The following PPIL6 variants were observed in gnomAD, a reference collection of about 807,000 sequenced individuals.
PPIL6 encodes the protein probable inactive peptidyl-prolyl cis-trans isomerase-like 6.
A neutral mutation model predicts 36.8 loss-of-function variants in PPIL6; 39 were observed. That is an observed-to-expected ratio of 1.06 (90% confidence interval 0.82 to 1.38). The LOEUF (loss-of-function observed/expected upper bound fraction) is 1.38, where lower values mean the gene tolerates loss of function less well. Ranked by LOEUF, PPIL6 falls within the 40% of genes most tolerant of loss-of-function variation. The pLI, the probability that PPIL6 is intolerant of heterozygous loss-of-function variation, is 0.00. For synonymous variants in PPIL6, 123 were observed against 134.1 expected (o/e 0.92, Z 0.57); for missense variants, 368 against 379.1 (o/e 0.97, Z 0.24).
chr6:109,401,121 C>T (rs1390939178), intron 6 of PPIL6, among the ~76,000 whole-genome samples: 1 of 151,344 alleles, frequency 6.6e-6, no homozygotes, highest in Non-Finnish European at 1.5e-5. Context: ...CATGATCCGC[C>T]TGCCTCGGCC....
intron 5 of PPIL6, 88 bp downstream of exon 5, chr6:109,426,759 T>C (rs905618185): frequency 1.1e-6 from 1 of 896,578 alleles, no homozygotes; most frequent in African/African-American, 1.7e-5. Context: ...GTATATCTAA[T>C]TCTACATACA....
At chr6:109,406,502 G>A (rs886930027) in intron 6 of PPIL6, among the ~76,000 whole-genome samples, 1 of 152,126 alleles carries the variant, frequency 6.6e-6, no homozygotes. Context: ...ATGTCTGGTT[G>A]TCTCTGTTTT....
At chr6:109,437,779 A>G (rs1354945237) in intron 1 of PPIL6, among the ~76,000 whole-genome samples, 1 of 152,022 alleles carries the variant, frequency 6.6e-6, no homozygotes, top group Non-Finnish European at 1.5e-5. Flanking sequence ...GGTCTTGGCC[A>G]GGCTGGTCTT....
At chr6:109,435,228 C>T (rs770364073) in intron 2 of PPIL6, among the ~76,000 whole-genome samples, 2 of 151,550 alleles carry the variant, frequency 1.3e-5, no homozygotes, top group Non-Finnish European at 1.5e-5. Flanking sequence ...CCATCATCAG[C>T]GGCAAACGGC....
rs1773424023 is a variant in PPIL6, at chr6:109,419,321, T to C, written c.632-78A>G. On this transcript the variant is annotated intron_variant, in intron 5 of 7. Transcript: ENST00000521072. ...ATACAATAATGACAGGGAAAAAATT[T>C]TGCTTTCAATGATGATTTCAAGGCT... The C allele has an allele frequency of 1.2e-5, 12 of 982,960 alleles. No individual in the cohort carries two copies. The South Asian group carries it at 1.4e-4, about 11-fold the overall frequency. 60.9% of individuals were successfully genotyped at this position (982,960 alleles called of 1,614,324 possible).
chr6:109,440,485 T>G lies in PPIL6; in HGVS notation c.106A>C (p.Asn36His). The G allele has an allele frequency of 6.5e-7, 1 of 1,539,214 alleles. No homozygotes were observed. Among genetic ancestry groups the G allele is most frequent in the Non-Finnish European group, 8.8e-7 (1 of 1,142,150 alleles). Residue 36 changes from asparagine to histidine, a missense_variant, in exon 1 of 8, where the codon AAC becomes CAC. Transcript: ENST00000521072. ...VKVVGLFSCP[N>H]FQIAKSAAEN... ...GCGGCGCTCTTCGCAATCTGAAAGT[T>G]GGGGCAGCTGAAGAGCCCCACCACC... is the stretch of plus-strand genomic sequence containing the variant.
chr6:109,415,118 G>A (rs569882482), intron 6 of PPIL6, among the ~76,000 whole-genome samples: 2 of 152,294 alleles, frequency 1.3e-5, no homozygotes, highest in Non-Finnish European at 2.9e-5. Context: ...AGGCAGAGAG[G>A]TGGACGAGGT....
At position 109,440,554 on chromosome 6, in the gene PPIL6, T is replaced by C; in HGVS notation, c.37A>G (p.Arg13Gly). 1 of 1,474,784 alleles carries C rather than the reference T, an allele frequency of 6.8e-7. No homozygotes were observed. Among genetic ancestry groups the C allele is most frequent in the East Asian group, 2.8e-5 (1 of 35,472 alleles). 91.4% of individuals were successfully genotyped at this position (1,474,784 alleles called of 1,614,324 possible). A position where few individuals can be genotyped will look rare whatever the true frequency, so the allele number is the denominator to read the frequency against. ...TCCGGCAGCGACGGCGAGCCGCACC[T>C]AGCGTGCGGGGGCCCGCACGGCTGC... ...RPQPCGPPHA[R>G]CGSPSLPERP... The change falls in exon 1 of 8, where the codon AGG becomes GGG. Residue 13 changes from arginine to glycine, a missense_variant. By Grantham distance (125) the Arg-to-Gly change is moderately radical. Transcript: ENST00000521072.
At chr6:109,420,082 C>G (rs1773462455) in intron 5 of PPIL6, among the ~76,000 whole-genome samples, 1 of 151,530 alleles carries the variant, frequency 6.6e-6, no homozygotes, top group Admixed American at 6.6e-5. Context: ...ACCTGTAATC[C>G]CAGCACTTTG....
chr6:109,431,522 A>G (rs186491704), intron 2 of PPIL6, among the ~76,000 whole-genome samples, 177 bp from the exon 3 acceptor site: 1 of 152,338 alleles, frequency 6.6e-6, no homozygotes, highest in African/African-American at 2.4e-5. Context: ...AAAGAACTTA[A>G]GAACATTTTT....
intron 6 of PPIL6, among the ~76,000 whole-genome samples, chr6:109,418,919 AAT>A (rs149925424): frequency 3.6e-3 from 549 of 152,250 alleles, no homozygotes; most frequent in African/African-American, 0.011. Context: ...AAGCCCTAAA[AAT>A]ATAAATTCCC....
In PPIL6 at chr6:109,440,552, C is replaced by G. The variant is rs1774790165; in HGVS notation, c.39G>C (p.Arg13Ser). The stretch of plus-strand genomic sequence containing the variant: ...GCTCCGGCAGCGACGGCGAGCCGCA[C>G]CTAGCGTGCGGGGGCCCGCACGGCT... ...RPQPCGPPHA[R>S]CGSPSLPERP... Residue 13 changes from arginine to serine, a missense_variant, in exon 1 of 8, where the codon AGG becomes AGC. Arg to Ser is a moderately radical substitution (Grantham distance 110, BLOSUM62 -1). Coordinates refer to ENST00000521072, the MANE Select transcript of PPIL6 (RefSeq NM_173672.5). The G allele has an allele frequency of 6.8e-7, 1 of 1,479,540 alleles. No homozygotes were observed. The highest frequency in any genetic ancestry group is 2.5e-5 in the Admixed American group (1 of 40,048). The allele number at this position is 1,479,540 out of a possible 1,614,324, so 91.7% of individuals were successfully genotyped here.
chr6:109,406,355 G>C (rs1772798543), intron 6 of PPIL6, among the ~76,000 whole-genome samples: 1 of 151,972 alleles, frequency 6.6e-6, no homozygotes, highest in Non-Finnish European at 1.5e-5. Flanking sequence ...TCTGGCCAAA[G>C]TGTGGAGATT....
intron 7 of PPIL6, among the ~76,000 whole-genome samples, chr6:109,395,885 T>G (rs9487084): frequency 0.52 from 74,791 of 145,070 alleles, 20,391 homozygotes; most frequent in African/African-American, 0.71. Context: ...ACCAAGTCTG[T>G]AGTGCAGTGG....
intron 1 of PPIL6, 117 bp from the exon 2 acceptor site, chr6:109,436,316 C>A: frequency 1.6e-6 from 1 of 637,178 alleles, no homozygotes; most frequent in Non-Finnish European, 2.8e-6. Context: ...CCAGGCCATG[C>A]AGTCCGACTG....
At chr6:109,409,373 C>G (rs369220240) in intron 6 of PPIL6, among the ~76,000 whole-genome samples, 30 of 152,082 alleles carry the variant, frequency 2.0e-4, no homozygotes, top group African/African-American at 6.8e-4. Context: ...ACAAGCCTGG[C>G]CAACATGGTG....
At chr6:109,394,339 C>T (rs569029871) in intron 7 of PPIL6, among the ~76,000 whole-genome samples, 2 of 145,720 alleles carry the variant, frequency 1.4e-5, no homozygotes, top group South Asian at 4.3e-4. Flanking sequence ...CACCACTGCA[C>T]TCAGCCTGGG....
At chr6:109,440,984 C>T (rs1774840351), upstream of PPIL6, 6 of 810,942 alleles carry the variant, frequency 7.4e-6, no homozygotes, top group Admixed American at 1.5e-4. Context: ...CTGAGCCACG[C>T]GGGCTTGGTG....
chr6:109,420,641 T>TC (rs1416012177), intron 5 of PPIL6, among the ~76,000 whole-genome samples: 3 of 152,176 alleles, frequency 2.0e-5, no homozygotes, highest in African/African-American at 7.2e-5. Flanking sequence ...CTGTCCTCTC[T>TC]CCCCCATCCT....
Sources: allele counts gnomAD v4.1 joint callset (sites outside exome capture counted in the v4.1 genomes callset), GRCh38; gene constraint gnomAD v4.1.1; transcripts MANE v1.5; gene names NCBI Gene and HGNC (gene_info 2026-07-23, HGNC 2026-07-21).